The following GSDME variants were observed in gnomAD, a reference collection of about 807,000 sequenced individuals.
The protein encoded by GSDME is gasdermin-E.
GSDME carries 44 observed loss-of-function variants against 47.5 expected under a neutral mutation model. The observed-to-expected ratio is 0.93, with a 90% CI of 0.73 to 1.19. The LOEUF is 1.19. Ranked by LOEUF, GSDME falls within the 50% of genes most tolerant of loss-of-function variation. The pLI, the probability that GSDME is intolerant of heterozygous loss-of-function variation, is 0.00. For synonymous variants in GSDME, 258 were observed against 252.8 expected, an observed-to-expected ratio of 1.02 and a Z score of -0.20; for missense variants, 663 against 604.2, an observed-to-expected ratio of 1.10 and a Z score of -1.02.
intron 2 of GSDME, among the ~76,000 whole-genome samples, chr7:24,749,284 T>C (rs1232630401): frequency 6.6e-6 from 1 of 151,990 alleles, no homozygotes; most frequent in East Asian, 1.9e-4. Flanking sequence ...GGTGGACCAC[T>C]TGAGGTTAGG....
chr7:24,772,647 T>G, the GSDME span, among the ~76,000 whole-genome samples: 1 of 152,246 alleles, frequency 6.6e-6, no homozygotes, highest in Non-Finnish European at 1.5e-5. This position sits in a 1 kb window ranked among gnomAD's most constrained non-coding sequence, Gnocchi z 4.5. Flanking sequence ...TAATAAATGA[T>G]AGCTGTTGAT....
chr7:24,713,786 A>T (rs1338946774), intron 5 of GSDME, among the ~76,000 whole-genome samples: 5 of 152,240 alleles, frequency 3.3e-5, no homozygotes, highest in African/African-American at 1.2e-4. Flanking sequence ...GATGGAACAG[A>T]CAGGAAAGAA....
At chr7:24,773,868 A>G in the GSDME span, among the ~76,000 whole-genome samples, 2 of 152,242 alleles carry the variant, frequency 1.3e-5, no homozygotes, top group Non-Finnish European at 2.9e-5. This position sits in a 1 kb window ranked among gnomAD's most constrained non-coding sequence, Gnocchi z 5.4. Context: ...CTGCAACCAC[A>G]TCTTTCCTAG....
At chr7:24,748,039 ATG>A (rs1226271215) in intron 2 of GSDME, among the ~76,000 whole-genome samples, 1 of 151,852 alleles carries the variant, frequency 6.6e-6, no homozygotes, top group Non-Finnish European at 1.5e-5. Context: ...AAGGAATATT[ATG>A]TGTTTGTTGA....
chr7:24,760,141 CTA>C (rs902684931), upstream of GSDME, among the ~76,000 whole-genome samples: 7 of 152,298 alleles, frequency 4.6e-5, no homozygotes, highest in African/African-American at 1.7e-4. The surrounding 1 kb of genome is among the most constrained non-coding windows in gnomAD (Gnocchi z 4.2). Context: ...GTTATATAAA[CTA>C]TGTTTCAACT....
rs150081327 is a variant in GSDME at position 24,721,206 on chromosome 7, TAC to T, written c.405-1990_405-1989del. Among the ~76,000 whole-genome samples, 344 of 152,348 alleles carry T rather than the reference TAC, an allele frequency of 2.3e-3. 1 individual carries two copies. Among genetic ancestry groups the T allele is most frequent in the African/African-American group, 8.1e-3 (335 of 41,590 alleles). ...GAATGTATTTAATGCCACTGAATTT[TAC>T]ACTTAAAAATGGTTACAACAGTAAA... On this transcript the variant is annotated intron_variant, in intron 3 of 9. Coordinates refer to ENST00000645220, the MANE Select transcript of GSDME (RefSeq NM_001127453.2). The surrounding 1 kb of genome is among the most constrained non-coding windows in gnomAD (Gnocchi z 4.1).
rs1000708637 is a variant in GSDME at position 24,725,166 on chromosome 7, C to T, written c.405-5948G>A. On this transcript the variant is annotated intron_variant, in intron 3 of 9. Transcript: ENST00000645220. The surrounding 1 kb of genome is among the most constrained non-coding windows in gnomAD (Gnocchi z 5.1). ...TAATGCAAACAGACTAACTCAATCT[C>T]CTCCTAGCTGAGCTACTGCTCCAGT... Among the ~76,000 whole-genome samples, 2 of 152,206 alleles carry T rather than the reference C, an allele frequency of 1.3e-5. No homozygotes were observed. Among genetic ancestry groups the T allele is most frequent in the Admixed American group, 6.5e-5 (1 of 15,282 alleles).
At chr7:24,767,239 G>A in the GSDME span, among the ~76,000 whole-genome samples, 4 of 152,110 alleles carry the variant, frequency 2.6e-5, no homozygotes, top group South Asian at 6.2e-4. This position sits in a 1 kb window ranked among gnomAD's most constrained non-coding sequence, Gnocchi z 5.3. Context: ...CAGAAGTATC[G>A]CTTGAACCTG....
the GSDME span, among the ~76,000 whole-genome samples, chr7:24,789,459 C>G: frequency 6.6e-6 from 1 of 152,086 alleles, no homozygotes; most frequent in Non-Finnish European, 1.5e-5. Flanking sequence ...GTGAGCAGGT[C>G]GTGATCAATT....
In GSDME at chr7:24,735,808, A is replaced by T. The variant is rs949128348; in HGVS notation, c.404+8754T>A. ...ATAAATAAATAAATAAATAAATAAA[A>T]CTACAAAAACTTTTCAAGACATAGA... is the stretch of plus-strand genomic sequence containing the variant. On this transcript the variant is annotated intron_variant, in intron 3 of 9. Transcript: ENST00000645220. This position sits in a 1 kb window ranked among gnomAD's most constrained non-coding sequence, Gnocchi z 4.4. 8.1e-4 allele frequency among the ~76,000 whole-genome samples: 122 copies of T among 149,950 alleles called. No individual in the cohort carries two copies. Among genetic ancestry groups the T allele is most frequent in the Non-Finnish European group, 1.5e-3 (99 of 67,334 alleles).
At chr7:24,702,242 C>A (rs1033278420) in intron 9 of GSDME, among the ~76,000 whole-genome samples, 4 of 152,216 alleles carry the variant, frequency 2.6e-5, no homozygotes, top group African/African-American at 9.6e-5. Flanking sequence ...CTAAGCTCAT[C>A]ATTACCTAAC....
In GSDME at chr7:24,712,887, G is replaced by A. The variant is rs1030566221; in HGVS notation, c.698-2499C>T. ...TACAAAATTAGCCGGGCATAGTGGT[G>A]CACACCTGTAATCCCAGTTACTCAG... On this transcript the variant is annotated intron_variant, in intron 5 of 9. Coordinates refer to ENST00000645220, the MANE Select transcript of GSDME (RefSeq NM_001127453.2). This position sits in a 1 kb window ranked among gnomAD's most constrained non-coding sequence, Gnocchi z 4.4. Among the ~76,000 whole-genome samples, 6 of 152,092 alleles carry A rather than the reference G, an allele frequency of 3.9e-5. No individual in the cohort carries two copies. The East Asian group carries it at 7.7e-4, about 20-fold the overall frequency.
intron 1 of GSDME, among the ~76,000 whole-genome samples, chr7:24,752,170 C>T (rs1360308780): frequency 6.6e-6 from 1 of 152,170 alleles, no homozygotes; most frequent in Non-Finnish European, 1.5e-5. Flanking sequence ...AATGGGTTAC[C>T]AGTGAGCTTG....
intron 3 of GSDME, among the ~76,000 whole-genome samples, chr7:24,723,532 GC>G (rs1380125573): frequency 6.6e-6 from 1 of 152,126 alleles, no homozygotes; most frequent in African/African-American, 2.4e-5. Context: ...ATTTAAAGAG[GC>G]CCATGGGTTT....
In GSDME at chr7:24,698,883, T is replaced by A. The variant is rs148775918; in HGVS notation, c.*143A>T. ...GAGTACCTGGTGGCTAAAAGTCAGG[T>A]CATTCATCATGCAAAATGTCACCAC... On this transcript the variant is annotated 3_prime_UTR_variant, in exon 10 of 10. Coordinates refer to ENST00000645220, the MANE Select transcript of GSDME (RefSeq NM_001127453.2). 2.8e-4 allele frequency: 205 copies of A among 721,158 alleles called. No homozygotes were observed. In the East Asian group the frequency reaches 5.4e-3, roughly 19 times the overall value. 44.7% of individuals were successfully genotyped at this position (721,158 alleles called of 1,614,324 possible).
chr7:24,719,042 C>A lies in GSDME; in HGVS notation c.576+5G>T. 1 of 1,612,022 alleles carries A rather than the reference C, an allele frequency of 6.2e-7. No homozygotes were observed. The highest frequency in any genetic ancestry group is 8.5e-7 in the Non-Finnish European group (1 of 1,179,940). On this transcript the variant is annotated splice_donor_5th_base_variant and intron_variant, in intron 4 of 9. Coordinates refer to ENST00000645220, the MANE Select transcript of GSDME (RefSeq NM_001127453.2). ...ATGAACGCAGGGCAGCCCGACTGCA[C>A]GCACCTGCACCGTCTTGGTCTGGAT...
intron 9 of GSDME, among the ~76,000 whole-genome samples, chr7:24,701,161 A>T (rs1788853200): frequency 6.6e-6 from 1 of 152,174 alleles, no homozygotes; most frequent in East Asian, 1.9e-4. Flanking sequence ...AATCCCTTAA[A>T]GAAACATGAC....
chr7:24,785,739 G>A, the GSDME span, among the ~76,000 whole-genome samples: 3 of 152,310 alleles, frequency 2.0e-5, no homozygotes, highest in Admixed American at 6.5e-5. Context: ...ACAGGCATGA[G>A]CCACCGTGCC....
At chr7:24,706,839 C>T (rs913899796) in intron 7 of GSDME, among the ~76,000 whole-genome samples, 4 of 151,780 alleles carry the variant, frequency 2.6e-5, no homozygotes, top group East Asian at 1.9e-4. Context: ...AGAGCCAGTT[C>T]GGACCACCCC....
Sources: allele counts gnomAD v4.1 joint callset (sites outside exome capture counted in the v4.1 genomes callset), GRCh38; gene constraint gnomAD v4.1.1; non-coding constraint Gnocchi (gnomAD v3.1); transcripts MANE v1.5; gene names NCBI Gene and HGNC (gene_info 2026-07-23, HGNC 2026-07-21).